GPC5: variants seen among roughly 807,000 people sequenced by gnomAD.
GPC5 encodes glypican 5.
In GPC5, 47 loss-of-function variants were observed where a neutral mutation model predicts 53.9. That is an observed-to-expected ratio of 0.87 (90% CI 0.69 to 1.11). The LOEUF is 1.11. Among genes scored for constraint, GPC5 ranks in the 50% most tolerant of loss-of-function variants. The probability of loss-of-function intolerance (pLI) is 0.00; values close to 1 mark genes in which losing one functional copy is unlikely to be tolerated. For missense variants in GPC5, 748 were observed against 713.1 expected (o/e 1.05, Z -0.56); for synonymous variants, 286 against 263.3 (o/e 1.09, Z -0.84).
chr13:91,835,530 A>G (rs1411012562), intron 5 of GPC5, among the ~76,000 whole-genome samples: 1 of 152,214 alleles, frequency 6.6e-6, no homozygotes, highest in Non-Finnish European at 1.5e-5. Context: ...TGTGGCACAT[A>G]TACACCATGG....
chr13:91,684,831 GGCCATCT>G (rs1392903263), intron 2 of GPC5, among the ~76,000 whole-genome samples: 2 of 152,006 alleles, frequency 1.3e-5, no homozygotes, highest in Non-Finnish European at 2.9e-5. Flanking sequence ...TGATCTGTGG[GGCCATCT>G]GAAATCTGTC....
At chr13:92,794,907 A>T (rs1452416627) in intron 7 of GPC5, among the ~76,000 whole-genome samples, 2 of 152,156 alleles carry the variant, frequency 1.3e-5, no homozygotes, top group Non-Finnish European at 2.9e-5. Context: ...ATGGAAGAAC[A>T]TTACATGCTC....
intron 6 of GPC5, among the ~76,000 whole-genome samples, chr13:91,916,392 G>A (rs1028170372): frequency 1.3e-5 from 2 of 152,096 alleles, no homozygotes; most frequent in Admixed American, 6.6e-5. Context: ...CAACTCAAAT[G>A]TTCCTCAATT....
intron 7 of GPC5, among the ~76,000 whole-genome samples, chr13:92,238,971 T>G (rs1406346274): frequency 6.7e-6 from 1 of 149,464 alleles, no homozygotes; most frequent in African/African-American, 2.5e-5. Flanking sequence ...TTGCATGTTT[T>G]GTCCCAGAAC....
chr13:91,848,044 T>C (rs2038871983), intron 5 of GPC5, among the ~76,000 whole-genome samples: 1 of 152,208 alleles, frequency 6.6e-6, no homozygotes, highest in Non-Finnish European at 1.5e-5. Flanking sequence ...TTCTGTTCTT[T>C]CTAAAGTGAT....
intron 7 of GPC5, among the ~76,000 whole-genome samples, chr13:92,662,090 A>G (rs1886365053): frequency 1.3e-5 from 2 of 152,104 alleles, no homozygotes; most frequent in Admixed American, 6.6e-5. Flanking sequence ...GCTTGTCCCT[A>G]CTGACTCCCA....
At chr13:91,647,179 G>T (rs946660779) in intron 2 of GPC5, among the ~76,000 whole-genome samples, 1 of 150,906 alleles carries the variant, frequency 6.6e-6, no homozygotes, top group South Asian at 2.1e-4. Flanking sequence ...TTTGTGCAGG[G>T]TATACATGTG....
chr13:91,418,095 G>C (rs1365499185), intron 1 of GPC5, among the ~76,000 whole-genome samples: 3 of 152,112 alleles, frequency 2.0e-5, no homozygotes, highest in Non-Finnish European at 2.9e-5. Context: ...TGTCCACACT[G>C]TCTGTACCGC....
intron 7 of GPC5, chr13:92,448,895 C>T (rs1877940735): frequency 6.7e-6 from 1 of 149,478 alleles, no homozygotes; most frequent in Admixed American, 6.6e-5. Context: ...GAAGCCCACA[C>T]AGTTATACCC....
chr13:92,482,811 A>C (rs1001405263), intron 7 of GPC5, among the ~76,000 whole-genome samples: 3 of 152,156 alleles, frequency 2.0e-5, no homozygotes, highest in African/African-American at 7.2e-5. Flanking sequence ...GGAAGAAAGA[A>C]TGAGTAACTA....
intron 7 of GPC5, among the ~76,000 whole-genome samples, chr13:92,778,171 A>G (rs1206983779): frequency 1.3e-5 from 2 of 152,210 alleles, no homozygotes; most frequent in East Asian, 3.8e-4. Flanking sequence ...GTTTTGTTCA[A>G]ATTCAAATAA....
At chr13:92,276,807 A>C (rs2042878915) in intron 7 of GPC5, among the ~76,000 whole-genome samples, 1 of 152,122 alleles carries the variant, frequency 6.6e-6, no homozygotes, top group African/African-American at 2.4e-5. Flanking sequence ...TAACATTGCC[A>C]AACATTAATA....
chr13:92,247,545 T>G (rs78793465), intron 7 of GPC5, among the ~76,000 whole-genome samples: 186 of 152,218 alleles, frequency 1.2e-3, no homozygotes, highest in African/African-American at 4.4e-3. Context: ...TAGAAATTCT[T>G]TATTAGAATT....
chr13:92,695,346 A>C (rs1255565257), intron 7 of GPC5, among the ~76,000 whole-genome samples: 1 of 152,120 alleles, frequency 6.6e-6, no homozygotes. Flanking sequence ...GCAGATATTC[A>C]TTTTGAATAT....
chr13:92,403,544 T>G (rs1365094685), intron 7 of GPC5, among the ~76,000 whole-genome samples: 1 of 152,174 alleles, frequency 6.6e-6, no homozygotes, highest in African/African-American at 2.4e-5. Context: ...CTTATGAGAA[T>G]CTAACTAATG....
At chr13:91,701,491 C>T (rs1296892396) in intron 3 of GPC5, among the ~76,000 whole-genome samples, 2 of 151,936 alleles carry the variant, frequency 1.3e-5, no homozygotes, top group Admixed American at 6.6e-5. Flanking sequence ...CTTCTAGATT[C>T]GTGCATGTTG....
At chr13:91,883,987 C>G (rs1225919348) in intron 5 of GPC5, among the ~76,000 whole-genome samples, 1 of 151,804 alleles carries the variant, frequency 6.6e-6, no homozygotes, top group Admixed American at 6.6e-5. Flanking sequence ...AACCAACAAA[C>G]ATATGAAAAA....
chr13:91,409,103 T>C (rs780825604), intron 1 of GPC5, among the ~76,000 whole-genome samples: 2 of 152,222 alleles, frequency 1.3e-5, no homozygotes, highest in Non-Finnish European at 2.9e-5. Flanking sequence ...GCTCTTTGAA[T>C]AACTCTCTTA....
At chr13:91,825,468 A>G (rs2038562686) in intron 5 of GPC5, among the ~76,000 whole-genome samples, 1 of 152,150 alleles carries the variant, frequency 6.6e-6, no homozygotes. Context: ...TATTTGAATC[A>G]TAATGCCTTA....
Sources: gnomAD v4.1 joint callset for allele counts (sites outside exome capture counted in the v4.1 genomes callset) on GRCh38, gnomAD v4.1.1 for gene constraint, MANE v1.5 for transcripts, NCBI Gene and HGNC (gene_info 2026-07-23, HGNC 2026-07-21) for gene names.